Variants in RALY observed in about 807,000 individuals in gnomAD.
The protein encoded by RALY is RNA-binding protein Raly.
Under a neutral mutation model 30.7 loss-of-function variants are expected in RALY, and 15 were observed. The ratio of observed to expected loss-of-function variants is 0.49; its 90% CI spans 0.33 to 0.75. The LOEUF (loss-of-function observed/expected upper bound fraction) is 0.75. RALY is among the 30% of genes least tolerant of loss of function. The pLI is 0.02. For synonymous variants in RALY, 177 were observed against 170.8 expected (o/e 1.04, Z -0.28); for missense variants, 339 against 414.3 (o/e 0.82, Z 1.58).
At chr20:34,026,343 A>G (rs1362901296) in intron 1 of RALY, among the ~76,000 whole-genome samples, 1 of 151,934 alleles carries the variant, frequency 6.6e-6, no homozygotes, top group Non-Finnish European at 1.5e-5. Context: ...CGGAAGGAAA[A>G]AGATCTTTTC....
chr20:34,022,661 C>T (rs1340216535), intron 1 of RALY, among the ~76,000 whole-genome samples: 3 of 152,178 alleles, frequency 2.0e-5, no homozygotes, highest in African/African-American at 7.2e-5. Flanking sequence ...TTTCCTTCAG[C>T]ACTGTGCATC....
chr20:34,078,640 C>T, intron 9 of RALY, 87 bp downstream of exon 9: 1 of 1,306,228 alleles, frequency 7.7e-7, no homozygotes, highest in Non-Finnish European at 1.0e-6. Flanking sequence ...CAGGAAGTGT[C>T]ACGAAGCATA....
At chr20:34,050,309 A>C (rs2033032924) in intron 2 of RALY, among the ~76,000 whole-genome samples, 12 of 152,228 alleles carry the variant, frequency 7.9e-5, no homozygotes, top group Admixed American at 7.9e-4. Context: ...CAATTCTTGA[A>C]TATAACCCAT....
At chr20:34,014,282 A>T (rs1342195298) in intron 1 of RALY, among the ~76,000 whole-genome samples, 1 of 152,204 alleles carries the variant, frequency 6.6e-6, no homozygotes, top group Admixed American at 6.5e-5. Flanking sequence ...AGTTGGATTC[A>T]GGGAAATGGG....
chr20:34,029,140 A>G (rs2032166146), intron 1 of RALY, among the ~76,000 whole-genome samples: 1 of 152,166 alleles, frequency 6.6e-6, no homozygotes, highest in Non-Finnish European at 1.5e-5. Flanking sequence ...CAAGCAAGAG[A>G]TAATGTGATC....
intron 8 of RALY, 46 bp downstream of exon 8, chr20:34,077,291 A>C: frequency 6.2e-7 from 1 of 1,608,110 alleles, no homozygotes; most frequent in Non-Finnish European, 8.5e-7. Flanking sequence ...CTGTGCTCCT[A>C]CTCTCAGGAG....
intron 1 of RALY, among the ~76,000 whole-genome samples, chr20:34,019,911 A>C (rs2031752954): frequency 1.3e-5 from 2 of 151,966 alleles, no homozygotes; most frequent in Admixed American, 1.3e-4. Flanking sequence ...AATACAAAAA[A>C]TTAGCCGGGC....
chr20:34,003,634 G>GTTTTTT (rs775178178), intron 1 of RALY, among the ~76,000 whole-genome samples: 65 of 112,960 alleles, frequency 5.8e-4, no homozygotes, highest in African/African-American at 2.2e-3. Flanking sequence ...ATGCCAAACA[G>GTTTTTT]TTTTTTTTTT....
chr20:34,068,990 G>A (rs2033653617), intron 2 of RALY, among the ~76,000 whole-genome samples: 1 of 152,190 alleles, frequency 6.6e-6, no homozygotes, highest in South Asian at 2.1e-4. Context: ...GGTACCTAGC[G>A]CATGCCATAG....
chr20:34,041,380 G>A (rs1423113114), intron 2 of RALY, among the ~76,000 whole-genome samples: 1 of 152,192 alleles, frequency 6.6e-6, no homozygotes, highest in East Asian at 1.9e-4. Context: ...TCAAGAAACC[G>A]TACTGTGAAG....
At chr20:34,023,210 G>A (rs1048990816) in intron 1 of RALY, among the ~76,000 whole-genome samples, 3 of 152,208 alleles carry the variant, frequency 2.0e-5, no homozygotes, top group African/African-American at 7.2e-5. Flanking sequence ...TGAGGTAGGT[G>A]ATTTAATCAC....
intron 2 of RALY, among the ~76,000 whole-genome samples, chr20:34,064,456 G>A (rs1301776788): frequency 6.6e-6 from 1 of 152,174 alleles, no homozygotes; most frequent in African/African-American, 2.4e-5. Flanking sequence ...ACAGTTGAGG[G>A]GTGAGAATGA....
chr20:34,072,262 C>G lies in RALY; in HGVS notation c.188C>G (p.Ser63Cys). 1 of 1,614,146 alleles carries G rather than the reference C, an allele frequency of 6.2e-7. No individual in the cohort carries two copies. The highest frequency in any genetic ancestry group is 1.3e-5 in the African/African-American group (1 of 75,040). The change falls in exon 3 of 10, where the codon TCC (serine) becomes TGC (cysteine). Residue 63 changes from serine (S) to cysteine (C), a missense_variant. Ser to Cys is a moderately radical substitution (Grantham distance 112). Transcript: ENST00000246194. ...VHKGYAFVQY[S>C]NERHARAAVL... ...AAGGGCTATGCCTTTGTTCAGTACT[C>G]CAATGAGCGCCATGCCCGGGCAGCT...
intron 2 of RALY, among the ~76,000 whole-genome samples, chr20:34,060,048 T>A (rs1301366532): frequency 6.6e-6 from 1 of 152,232 alleles, no homozygotes; most frequent in Non-Finnish European, 1.5e-5. Flanking sequence ...TACCTACTCT[T>A]GTCTTTCCTT....
intron 2 of RALY, among the ~76,000 whole-genome samples, chr20:34,041,480 C>G (rs1404911373): frequency 2.0e-5 from 3 of 152,214 alleles, no homozygotes; most frequent in Non-Finnish European, 4.4e-5. Context: ...TAAGTCTTCC[C>G]TGAGAGGGTT....
At chr20:34,031,006 C>T (rs1309171857) in intron 1 of RALY, among the ~76,000 whole-genome samples, 1 of 151,072 alleles carries the variant, frequency 6.6e-6, no homozygotes, top group Non-Finnish European at 1.5e-5. Context: ...GCTTTGCTTC[C>T]CTTCCCTCCC....
intron 1 of RALY, among the ~76,000 whole-genome samples, chr20:34,024,322 C>T (rs1317212870): frequency 3.9e-5 from 6 of 152,198 alleles, no homozygotes; most frequent in African/African-American, 1.4e-4. Flanking sequence ...ATCCAACTGT[C>T]TCATTAGCAT....
chr20:34,047,280 A>G (rs2032914412), intron 2 of RALY, among the ~76,000 whole-genome samples: 1 of 152,198 alleles, frequency 6.6e-6, no homozygotes, highest in Non-Finnish European at 1.5e-5. Context: ...TAGAGCGGAC[A>G]GTATGGGAGG....
At chr20:34,048,504 G>A (rs1008945424) in intron 2 of RALY, among the ~76,000 whole-genome samples, 2 of 152,152 alleles carry the variant, frequency 1.3e-5, no homozygotes, top group Admixed American at 6.5e-5. Flanking sequence ...ATCACGAAAC[G>A]CATTAGTAGT....
Sources: allele counts gnomAD v4.1 joint callset (sites outside exome capture counted in the v4.1 genomes callset), GRCh38; gene constraint gnomAD v4.1.1; transcripts MANE v1.5; gene names NCBI Gene and HGNC (gene_info 2026-07-23, HGNC 2026-07-21).